XPA: variants seen among roughly 807,000 people sequenced by gnomAD.
XPA encodes the protein DNA repair protein complementing XP-A cells.
Under a neutral mutation model 35.7 loss-of-function variants are expected in XPA, and 27 were observed. The ratio of observed to expected loss-of-function variants is 0.76; its 90% CI spans 0.56 to 1.04. XPA has a LOEUF of 1.04. Ranked by LOEUF, XPA falls within the 50% of genes least tolerant of loss-of-function variation. The pLI is 0.00. For missense variants in XPA, 354 were observed against 342.7 expected (o/e 1.03, Z -0.26); for synonymous variants, 133 against 118.4 (o/e 1.12, Z -0.80).
At chr9:97,669,722 C>T in the XPA span, 4 of 1,474,418 alleles carry the variant, frequency 2.7e-6, no homozygotes, top group East Asian at 2.3e-5. Context: ...TGGGGAACTT[C>T]GATTAGGTAA....
chr9:97,693,750 T>C lies in XPA; in HGVS notation c.182A>G (p.Asn61Ser), dbSNP rs1185357926. ...AATTATCTTTGGGGCTGCTTTTACA[T>C]TAGCCATGCCTACAAAAGTAAGTAA... ...TAAAATGGMA[N>S]VKAAPKIIDT... Residue 61 changes from asparagine to serine, a missense_variant, in exon 2 of 6, where the codon AAT becomes AGT. Physicochemically the swap from Asn to Ser is conservative, Grantham distance 46. Transcript: ENST00000375128. 6.2e-7 allele frequency: 1 copy of C among 1,612,914 alleles called. No homozygotes were observed. The highest frequency in any genetic ancestry group is 8.5e-7 in the Non-Finnish European group (1 of 1,179,914).
At chr9:97,674,156 T>TACAACAACCTGAACCCCTA (rs1564034592), downstream of XPA, among the ~76,000 whole-genome samples, 4 of 151,438 alleles carry the variant, frequency 2.6e-5, no homozygotes, top group Non-Finnish European at 4.4e-5. Context: ...ATAATGCTCT[T>TACAACAACCTGAACCCCTA]ACAACAACCT....
the XPA span, among the ~76,000 whole-genome samples, chr9:97,657,335 G>T: frequency 6.6e-6 from 1 of 152,128 alleles, no homozygotes; most frequent in Non-Finnish European, 1.5e-5. Flanking sequence ...CTTCAGTCTT[G>T]AACACTTAAC....
the XPA span, chr9:97,661,065 G>A: frequency 1.2e-6 from 2 of 1,611,822 alleles, no homozygotes; most frequent in Non-Finnish European, 1.7e-6. Context: ...GGATGATGAC[G>A]ACGGTAAGTG....
chr9:97,669,072 A>G, the XPA span: 12 of 1,330,020 alleles, frequency 9.0e-6, no homozygotes, highest in African/African-American at 1.5e-5. Flanking sequence ...AGGAATACAC[A>G]TTCATTTATA....
chr9:97,662,683 T>A, the XPA span, among the ~76,000 whole-genome samples: 1 of 152,222 alleles, frequency 6.6e-6, no homozygotes, highest in African/African-American at 2.4e-5. Flanking sequence ...TTTCACCATG[T>A]TTGAAGACAG....
At chr9:97,682,374 C>T (rs1290060770) in intron 5 of XPA, 2 of 518,732 alleles carry the variant, frequency 3.9e-6, no homozygotes, top group Non-Finnish European at 7.7e-6. Context: ...CTAATCTCTA[C>T]AGTGTCTACT....
At chr9:97,660,734 A>C in the XPA span, among the ~76,000 whole-genome samples, 1 of 152,198 alleles carries the variant, frequency 6.6e-6, no homozygotes, top group Non-Finnish European at 1.5e-5. Flanking sequence ...TTGAAATGAG[A>C]ATTGTCCCTT....
the XPA span, among the ~76,000 whole-genome samples, chr9:97,660,208 G>A: frequency 2.0e-3 from 300 of 152,256 alleles, 3 homozygotes; most frequent in South Asian, 0.016. Context: ...TCACATGACT[G>A]TTGTAATTTA....
chr9:97,678,598 G>A (rs1214577931), intron 5 of XPA, among the ~76,000 whole-genome samples: 1 of 152,156 alleles, frequency 6.6e-6, no homozygotes, highest in Non-Finnish European at 1.5e-5. Flanking sequence ...AATGCTGACT[G>A]CCAATTGCTT....
At chr9:97,667,623 A>G in the XPA span, among the ~76,000 whole-genome samples, 1 of 152,342 alleles carries the variant, frequency 6.6e-6, no homozygotes, top group South Asian at 2.1e-4. Context: ...CATAGCTGGT[A>G]AATGACCAGA....
At chr9:97,674,116 A>C (rs754336439), downstream of XPA, among the ~76,000 whole-genome samples, 3 of 152,064 alleles carry the variant, frequency 2.0e-5, no homozygotes, top group Non-Finnish European at 4.4e-5. Context: ...ACCTAGATCC[A>C]GTTGGCCCAA....
the XPA span, among the ~76,000 whole-genome samples, chr9:97,664,988 A>G: frequency 6.6e-6 from 1 of 152,310 alleles, no homozygotes; most frequent in South Asian, 2.1e-4. Context: ...TAACGGAAAG[A>G]AAGTTTTTGC....
At chr9:97,671,390 G>A (rs1828188937), downstream of XPA, 1 of 537,388 alleles carries the variant, frequency 1.9e-6, no homozygotes, top group Non-Finnish European at 3.3e-6. Flanking sequence ...CCTAACGGCA[G>A]TAATGTGACT....
chr9:97,695,137 G>C (rs754029602), intron 1 of XPA, among the ~76,000 whole-genome samples: 4 of 152,238 alleles, frequency 2.6e-5, no homozygotes, highest in Non-Finnish European at 5.9e-5. Context: ...AAGTGTACAT[G>C]TCTTGATCAC....
the XPA span, among the ~76,000 whole-genome samples, chr9:97,667,608 G>C: frequency 1.3e-5 from 2 of 152,160 alleles, no homozygotes; most frequent in Non-Finnish European, 2.9e-5. Context: ...ATAGCTAGTA[G>C]GTTGCATAGC....
chr9:97,692,177 G>A (rs1465202477), intron 2 of XPA, among the ~76,000 whole-genome samples: 1 of 151,622 alleles, frequency 6.6e-6, no homozygotes, highest in Non-Finnish European at 1.5e-5. Context: ...TATAATCCCA[G>A]CTACTCGGGA....
At chr9:97,681,345 GTCT>G (rs1828531865) in intron 5 of XPA, among the ~76,000 whole-genome samples, 1 of 152,090 alleles carries the variant, frequency 6.6e-6, no homozygotes, top group Non-Finnish European at 1.5e-5. Context: ...TGATGCTTTG[GTCT>G]TCTTTAGTCC....
the XPA span, chr9:97,666,956 G>C: frequency 1.9e-6 from 2 of 1,072,852 alleles, no homozygotes; most frequent in African/African-American, 3.3e-5. Context: ...TCATTATCTT[G>C]ATGATATTTC....
Sources: allele counts gnomAD v4.1 joint callset (sites outside exome capture counted in the v4.1 genomes callset), GRCh38; gene constraint gnomAD v4.1.1; transcripts MANE v1.5; gene names NCBI Gene and HGNC (gene_info 2026-07-23, HGNC 2026-07-21).